Variants in MAGI2 observed in about 807,000 individuals in gnomAD.
MAGI2 encodes membrane associated guanylate kinase, WW and PDZ domain containing 2, also known as membrane-associated guanylate kinase, WW and PDZ domain-containing protein 2.
MAGI2 carries 35 observed loss-of-function variants against 133.3 expected under a neutral mutation model. The observed-to-expected ratio is 0.26, with a 90% CI of 0.20 to 0.35. MAGI2 has a LOEUF of 0.35. Among genes scored for constraint, MAGI2 ranks in the 10% least tolerant of loss-of-function variants. The probability of loss-of-function intolerance (pLI) is 1.00; values close to 1 mark genes in which losing one functional copy is unlikely to be tolerated. For synonymous variants in MAGI2, 729 were observed against 710.6 expected (o/e 1.03, Z -0.41); for missense variants, 1,636 against 1,863.4 (o/e 0.88, Z 2.25).
At chr7:78,675,695 GT>G (rs2151083361) in intron 2 of MAGI2, among the ~76,000 whole-genome samples, 1 of 152,218 alleles carries the variant, frequency 6.6e-6, no homozygotes, top group South Asian at 2.1e-4. Context: ...AATGAAATCT[GT>G]TTAGAAATTG....
intron 9 of MAGI2, among the ~76,000 whole-genome samples, chr7:78,266,399 T>C (rs1794009122): frequency 1.3e-5 from 2 of 151,868 alleles, no homozygotes; most frequent in Non-Finnish European, 2.9e-5. Context: ...ATGGGAGTTT[T>C]GTCATGTTGC....
chr7:78,189,953 C>T (rs922857886), intron 12 of MAGI2, among the ~76,000 whole-genome samples: 2 of 152,188 alleles, frequency 1.3e-5, no homozygotes, highest in African/African-American at 4.8e-5. Context: ...TTGGGAAGCA[C>T]CTTATACTGC....
intron 1 of MAGI2, among the ~76,000 whole-genome samples, chr7:79,445,822 A>G (rs1292367617): frequency 1.3e-5 from 2 of 152,222 alleles, no homozygotes; most frequent in Non-Finnish European, 2.9e-5. Context: ...CTGGGTATAT[A>G]CCCAAAGGAT....
At chr7:78,122,942 C>A (rs948104397) in intron 20 of MAGI2, among the ~76,000 whole-genome samples, 4 of 152,090 alleles carry the variant, frequency 2.6e-5, no homozygotes, top group South Asian at 2.1e-4. Context: ...ATGAAAATTT[C>A]ATCCCTCCCA....
At chr7:79,431,960 A>G (rs976596549) in intron 1 of MAGI2, among the ~76,000 whole-genome samples, 2 of 152,190 alleles carry the variant, frequency 1.3e-5, no homozygotes, top group African/African-American at 2.4e-5. Context: ...TCTCTCCATA[A>G]GCTTCCTCAT....
At chr7:78,339,467 TTTTAAG>T (rs1790126170) in intron 9 of MAGI2, among the ~76,000 whole-genome samples, 1 of 152,238 alleles carries the variant, frequency 6.6e-6, no homozygotes, top group African/African-American at 2.4e-5. Context: ...TTATTTTGTC[TTTTAAG>T]TTTACACTGA....
At chr7:78,239,482 A>G (rs1216684254) in intron 10 of MAGI2, among the ~76,000 whole-genome samples, 1 of 152,212 alleles carries the variant, frequency 6.6e-6, no homozygotes, top group Non-Finnish European at 1.5e-5. Flanking sequence ...AACATGAAGA[A>G]TGGAAGAAAA....
intron 2 of MAGI2, among the ~76,000 whole-genome samples, chr7:78,970,049 A>T (rs1195062658): frequency 6.6e-6 from 1 of 152,064 alleles, no homozygotes; most frequent in Non-Finnish European, 1.5e-5. Context: ...GCTAGTCCAC[A>T]TTCCATCTAA....
At chr7:78,857,895 G>C (rs186311746) in intron 2 of MAGI2, among the ~76,000 whole-genome samples, 1 of 151,990 alleles carries the variant, frequency 6.6e-6, no homozygotes, top group African/African-American at 2.4e-5. Flanking sequence ...GATTTTTTTT[G>C]TTGGTAGGCC....
chr7:78,038,398 GTT>G (rs55639329), intron 21 of MAGI2, among the ~76,000 whole-genome samples: 1 of 90,392 alleles, frequency 1.1e-5, no homozygotes, highest in Non-Finnish European at 2.1e-5. Context: ...CTAACTTGAT[GTT>G]TTACTTTTTA....
chr7:78,365,106 G>T (rs1247883990), intron 7 of MAGI2, among the ~76,000 whole-genome samples: 6 of 151,986 alleles, frequency 3.9e-5, no homozygotes, highest in African/African-American at 1.2e-4. Flanking sequence ...CTATGTTAAG[G>T]TCCAAACAAT....
intron 1 of MAGI2, among the ~76,000 whole-genome samples, chr7:79,219,184 C>T (rs958679320): frequency 2.6e-5 from 4 of 151,914 alleles, no homozygotes; most frequent in African/African-American, 9.7e-5. Flanking sequence ...ATTATTATTG[C>T]TGCCAAAAGC....
At position 79,355,592 on chromosome 7, in the gene MAGI2, T is replaced by C. The variant is rs572648625; in HGVS notation, c.301+97428A>G. Among the ~76,000 whole-genome samples, 47 of 152,332 alleles carry C rather than the reference T, an allele frequency of 3.1e-4. 1 individual carries two copies. In the South Asian group the frequency reaches 8.9e-3, roughly 29 times the overall value. On this transcript the variant is annotated intron_variant, in intron 1 of 21. Coordinates refer to ENST00000354212, the MANE Select transcript of MAGI2 (RefSeq NM_012301.4). ...GTCAACTCAATGGAGAGACGTTACT[T>C]GAAAGGCAACCCAGATAGTTGCAGG...
intron 4 of MAGI2, among the ~76,000 whole-genome samples, chr7:78,508,605 GCT>G (rs1194040397): frequency 2.0e-5 from 3 of 152,184 alleles, no homozygotes; most frequent in African/African-American, 7.2e-5. Context: ...GCCTGTGTCA[GCT>G]ACTCCTGCGA....
chr7:79,135,786 A>T (rs992881458), intron 1 of MAGI2, among the ~76,000 whole-genome samples: 5 of 151,542 alleles, frequency 3.3e-5, no homozygotes, highest in African/African-American at 9.7e-5. Flanking sequence ...ACAAAAATTT[A>T]AAAAATTAGC....
intron 1 of MAGI2, among the ~76,000 whole-genome samples, chr7:79,101,875 A>G (rs1373542487): frequency 6.6e-6 from 1 of 151,948 alleles, no homozygotes; most frequent in Non-Finnish European, 1.5e-5. Context: ...TATAACATAT[A>G]TATCATATAT....
chr7:78,420,379 A>G (rs1242400472), intron 6 of MAGI2, among the ~76,000 whole-genome samples: 1 of 152,204 alleles, frequency 6.6e-6, no homozygotes, highest in Non-Finnish European at 1.5e-5. Flanking sequence ...AAATGGGAGG[A>G]CCATCAGCAC....
chr7:79,016,565 A>C (rs1192808445), intron 1 of MAGI2, among the ~76,000 whole-genome samples: 1 of 151,972 alleles, frequency 6.6e-6, no homozygotes, highest in Non-Finnish European at 1.5e-5. Context: ...GCTGGCACGC[A>C]CTTGTCCACA....
At chr7:79,364,795 T>C (rs1473975758) in intron 1 of MAGI2, among the ~76,000 whole-genome samples, 4 of 151,918 alleles carry the variant, frequency 2.6e-5, no homozygotes, top group Admixed American at 2.6e-4. Context: ...CATAAATATA[T>C]ATGTAAAATA....
Sources: gnomAD v4.1 joint callset for allele counts (sites outside exome capture counted in the v4.1 genomes callset) on GRCh38, gnomAD v4.1.1 for gene constraint, MANE v1.5 for transcripts, NCBI Gene and HGNC (gene_info 2026-07-23, HGNC 2026-07-21) for gene names.